The following TRIM44 variants were observed in gnomAD, a reference collection of about 807,000 sequenced individuals.
TRIM44 encodes tripartite motif containing 44.
TRIM44 carries 13 observed loss-of-function variants against 37.4 expected under a neutral mutation model. The observed-to-expected ratio is 0.35, with a 90% CI of 0.23 to 0.55. TRIM44 has a LOEUF of 0.55. TRIM44 is among the 20% of genes least tolerant of loss of function. The pLI is 0.89. For missense variants in TRIM44, 426 were observed against 437.2 expected, an observed-to-expected ratio of 0.97 and a Z score of 0.23; for synonymous variants, 175 against 157.2, an observed-to-expected ratio of 1.11 and a Z score of -0.85.
intron 4 of TRIM44, among the ~76,000 whole-genome samples, chr11:35,793,664 T>G (rs1853246186): frequency 6.6e-6 from 1 of 152,190 alleles, no homozygotes; most frequent in South Asian, 2.1e-4. Context: ...AGTTACCTCC[T>G]CTGCTACTAG....
Position 35,663,460 on chromosome 11 carries a change from A to G in TRIM44, c.349A>G (p.Ser117Gly), listed in dbSNP as rs1851298303. The change falls in exon 1 of 5, where the codon AGT becomes GGT. Residue 117 changes from serine to glycine, a missense_variant. Ser to Gly is a moderately conservative substitution (Grantham distance 56). This residue lies in a region of TRIM44 where 331 missense variants were observed against 303.0 expected (regional missense o/e 1.09). Coordinates refer to ENST00000299413, the MANE Select transcript of TRIM44 (RefSeq NM_017583.6). Reference sequence around the variant, plus strand: ...GGAAGAGAGCGAGACAGAGGAAGAGAGTGAGGATGAGAGCGATGAGGAGAG... The same window carrying G: ...GGAAGAGAGCGAGACAGAGGAAGAGGGTGAGGATGAGAGCGATGAGGAGAG... ...SEEESETEEE[S>G]EDESDEESEE... 1.3e-6 allele frequency: 2 copies of G among 1,565,230 alleles called. No individual in the cohort carries two copies. The highest frequency in any genetic ancestry group is 3.9e-5 in the Admixed American group (2 of 51,842).
At chr11:35,700,497 T>G (rs1851772444) in intron 2 of TRIM44, among the ~76,000 whole-genome samples, 3 of 152,238 alleles carry the variant, frequency 2.0e-5, no homozygotes, top group Admixed American at 2.0e-4. Context: ...ATTTTTTCAG[T>G]AGTCTCAATC....
At chr11:35,765,992 G>T (rs924898807) in intron 4 of TRIM44, among the ~76,000 whole-genome samples, 4 of 152,206 alleles carry the variant, frequency 2.6e-5, no homozygotes, top group African/African-American at 7.2e-5. Context: ...ATAAAAGCAA[G>T]TATTTCTGTG....
intron 2 of TRIM44, among the ~76,000 whole-genome samples, chr11:35,715,555 A>T (rs1361071759): frequency 6.6e-6 from 1 of 152,000 alleles, no homozygotes; most frequent in Non-Finnish European, 1.5e-5. Flanking sequence ...AAGGAACAAT[A>T]CAGAATTAGG....
rs182785217 is a variant in TRIM44, at chr11:35,717,400, A to C, written c.748-8524A>C. ...AGTGTTTGTATGTTACTTTTTTTTT[A>C]AAGTCTGGTGTCAAAGGTAGAAGTC... On this transcript the variant is annotated intron_variant, in intron 2 of 4. Transcript: ENST00000299413. Among the ~76,000 whole-genome samples, 436 of 152,026 alleles carry C rather than the reference A, an allele frequency of 2.9e-3. 1 individual carries two copies. Among genetic ancestry groups the C allele is most frequent in the African/African-American group, 9.7e-3 (402 of 41,474 alleles).
chr11:35,678,232 T>A (rs1332670212), intron 1 of TRIM44, among the ~76,000 whole-genome samples: 1 of 152,170 alleles, frequency 6.6e-6, no homozygotes, highest in Admixed American at 6.5e-5. Context: ...GGTTCCTATG[T>A]GGAGAATGGG....
chr11:35,664,210 C>A (rs1026026136), intron 1 of TRIM44, among the ~76,000 whole-genome samples: 1 of 152,158 alleles, frequency 6.6e-6, no homozygotes, highest in Non-Finnish European at 1.5e-5. Flanking sequence ...GCAAGTGATA[C>A]GTCTGCATTG....
At chr11:35,677,349 A>G (rs1564944003) in intron 1 of TRIM44, among the ~76,000 whole-genome samples, 1 of 151,750 alleles carries the variant, frequency 6.6e-6, no homozygotes, top group Non-Finnish European at 1.5e-5. Flanking sequence ...GAATATCCTA[A>G]AACTATTTTC....
chr11:35,692,894 G>T (rs1851653137), intron 2 of TRIM44, among the ~76,000 whole-genome samples: 1 of 151,584 alleles, frequency 6.6e-6, no homozygotes, highest in Non-Finnish European at 1.5e-5. Context: ...CTGCACTCCA[G>T]CCTGGGCGAC....
At chr11:35,758,328 CT>C (rs1441962307) in intron 4 of TRIM44, among the ~76,000 whole-genome samples, 1 of 152,170 alleles carries the variant, frequency 6.6e-6, no homozygotes, top group East Asian at 1.9e-4. Context: ...CAACCCCTGC[CT>C]TTTTTTGTTT....
intron 1 of TRIM44, among the ~76,000 whole-genome samples, chr11:35,680,429 C>T (rs1421771978): frequency 6.6e-6 from 1 of 151,764 alleles, no homozygotes. Flanking sequence ...TTACATGTAC[C>T]ATTTTGCAAG....
chr11:35,769,253 G>A (rs1852836069), intron 4 of TRIM44, among the ~76,000 whole-genome samples: 1 of 152,178 alleles, frequency 6.6e-6, no homozygotes, highest in Non-Finnish European at 1.5e-5. Context: ...TTCCGTCTGT[G>A]ATCACTCACA....
At chr11:35,805,288 A>G (rs1330017323) in intron 4 of TRIM44, among the ~76,000 whole-genome samples, 1 of 152,196 alleles carries the variant, frequency 6.6e-6, no homozygotes, top group South Asian at 2.1e-4. Flanking sequence ...TCTTGTTACT[A>G]TTTTAAGGGC....
intron 2 of TRIM44, among the ~76,000 whole-genome samples, chr11:35,712,373 A>G (rs1017512004): frequency 2.6e-5 from 4 of 152,250 alleles, no homozygotes; most frequent in South Asian, 4.1e-4. Context: ...ACACATTAGG[A>G]AATATATTCC....
intron 4 of TRIM44, among the ~76,000 whole-genome samples, chr11:35,774,753 G>A (rs1852928562): frequency 1.3e-5 from 2 of 152,124 alleles, no homozygotes; most frequent in South Asian, 4.1e-4. Context: ...GTTTTTGTCA[G>A]GGTTGTCAAA....
intron 2 of TRIM44, among the ~76,000 whole-genome samples, chr11:35,703,909 A>G (rs1851835323): frequency 6.6e-6 from 1 of 152,260 alleles, no homozygotes; most frequent in Non-Finnish European, 1.5e-5. Flanking sequence ...AGCTGGATGG[A>G]GAATGACTTT....
In TRIM44 at chr11:35,742,317, C is replaced by T. The variant is rs149310598; in HGVS notation, c.1007+6872C>T. Among the ~76,000 whole-genome samples, 206 of 148,780 alleles carry T rather than the reference C, an allele frequency of 1.4e-3. 1 individual carries two copies. The highest frequency in any genetic ancestry group is 4.9e-3 in the African/African-American group (196 of 40,390). ...ATTATAAAGAAGCATTGAGTGCCAA[C>T]TATATGTGAGGAAGTATTTTAAACA... is the stretch of plus-strand genomic sequence containing the variant. On this transcript the variant is annotated intron_variant, in intron 4 of 4. Transcript: ENST00000299413.
intron 4 of TRIM44, among the ~76,000 whole-genome samples, chr11:35,788,533 T>G (rs1278939000): frequency 1.3e-5 from 2 of 152,228 alleles, no homozygotes; most frequent in Non-Finnish European, 2.9e-5. Context: ...TATATTCCTG[T>G]GTTGGGCCTC....
At position 35,812,180 on chromosome 11, in the gene TRIM44, G is replaced by C. The variant is rs1853535831; in HGVS notation, c.*5795G>C. The C allele has an allele frequency of 6.6e-6, 1 of 151,930 alleles. No homozygotes were observed. Among genetic ancestry groups the C allele is most frequent in the South Asian group, 2.1e-4 (1 of 4,808 alleles). 9.4% of individuals were successfully genotyped at this position (151,930 alleles called of 1,614,324 possible). A position where few individuals can be genotyped will look rare whatever the true frequency, so the allele number is the denominator to read the frequency against. On this transcript the variant is annotated 3_prime_UTR_variant, in exon 5 of 5. Transcript: ENST00000299413. ...TCTATATTTTATTTTATTACTCTTT[G>C]TTTGGTCCAACATGGCCCCATTTCC...
Sources: allele counts gnomAD v4.1 joint callset (sites outside exome capture counted in the v4.1 genomes callset), GRCh38; gene constraint gnomAD v4.1.1; regional missense constraint gnomAD v4.1.1; transcripts MANE v1.5; gene names NCBI Gene and HGNC (gene_info 2026-07-23, HGNC 2026-07-21).